TET2: variants seen among roughly 807,000 people sequenced by gnomAD.
TET2 encodes the protein methylcytosine dioxygenase TET2.
TET2 carries 299 observed loss-of-function variants against 142.9 expected under a neutral mutation model. The ratio of observed to expected loss-of-function variants is 2.09; its 90% CI spans 1.90 to 2.30. The LOEUF (loss-of-function observed/expected upper bound fraction) is 2.30. TET2 is among the 30% of genes most tolerant of loss of function. The pLI is 0.00. For synonymous variants in TET2, 819 were observed against 849.0 expected (o/e 0.96, Z 0.61); for missense variants, 2,418 against 2,378.0 (o/e 1.02, Z -0.35).
intron 1 of TET2, among the ~76,000 whole-genome samples, chr4:105,158,986 T>C (rs768768554): frequency 1.3e-5 from 2 of 152,142 alleles, no homozygotes; most frequent in Admixed American, 6.5e-5. Context: ...GTGGGTACCG[T>C]GCACGTGGCA....
At chr4:105,175,062 A>G (rs1008814530) in intron 1 of TET2, among the ~76,000 whole-genome samples, 3 of 152,180 alleles carry the variant, frequency 2.0e-5, no homozygotes, top group African/African-American at 7.2e-5. Context: ...AAAGAGGGAG[A>G]CCAAATTATA....
intron 2 of TET2, among the ~76,000 whole-genome samples, 189 bp from the exon 3 acceptor site, chr4:105,233,708 A>G (rs1302686035): frequency 1.3e-5 from 2 of 152,220 alleles, no homozygotes; most frequent in Non-Finnish European, 2.9e-5. Flanking sequence ...CTATGAAGAC[A>G]AGAATGTTTA....
chr4:105,202,916 C>A (rs1419796543), intron 2 of TET2, among the ~76,000 whole-genome samples: 1 of 152,158 alleles, frequency 6.6e-6, no homozygotes, highest in Admixed American at 6.5e-5. Flanking sequence ...GAAATATAAA[C>A]ATTTCCTGGA....
chr4:105,253,413 T>C (rs991685414), intron 6 of TET2, among the ~76,000 whole-genome samples: 1 of 152,078 alleles, frequency 6.6e-6, no homozygotes, highest in African/African-American at 2.4e-5. Context: ...AATATTTCAT[T>C]TGGGGGGGTG....
At chr4:105,245,000 C>G (rs1729517190) in intron 6 of TET2, among the ~76,000 whole-genome samples, 1 of 152,214 alleles carries the variant, frequency 6.6e-6, no homozygotes. Flanking sequence ...GAATCATTTG[C>G]TGAGCTTATA....
At chr4:105,165,330 C>T (rs903008752) in intron 1 of TET2, among the ~76,000 whole-genome samples, 1 of 152,014 alleles carries the variant, frequency 6.6e-6, no homozygotes, top group African/African-American at 2.4e-5. Context: ...GAGCTGAGAT[C>T]GTGCCATTGC....
rs1463638716 is a variant in TET2 at position 105,272,867 on chromosome 4, C to T, written c.4486C>T (p.Pro1496Ser). The change falls in exon 10 of 11, where the codon CCA (proline) becomes TCA (serine). Residue 1496 changes from proline (P) to serine (S), a missense_variant. By Grantham distance (74) the Pro-to-Ser change is moderately conservative. Coordinates refer to ENST00000380013, the MANE Select transcript of TET2 (RefSeq NM_001127208.3). ...SNKNEKEKSA[P>S]SRTKQTENAS... ...TAAAAATGAAAAGGAAAAGTCAGCC[C>T]CATCACGTACAAAACAAACTGAAAA... is the stretch of plus-strand genomic sequence containing the variant. 1.3e-6 allele frequency: 2 copies of T among 1,549,006 alleles called. No individual in the cohort carries two copies. Among genetic ancestry groups the T allele is most frequent in the East Asian group, 2.4e-5 (1 of 40,890 alleles).
chr4:105,221,301 G>T (rs1395696649), intron 2 of TET2, among the ~76,000 whole-genome samples: 1 of 152,078 alleles, frequency 6.6e-6, no homozygotes, highest in Non-Finnish European at 1.5e-5. Context: ...TAAGAAACTG[G>T]TTGGTTAACT....
intron 2 of TET2, among the ~76,000 whole-genome samples, chr4:105,211,941 A>G (rs1239896847): frequency 6.6e-6 from 1 of 152,236 alleles, no homozygotes; most frequent in African/African-American, 2.4e-5. Context: ...TGCAAAGACT[A>G]CTTACTGTAA....
rs59576487 is a variant in TET2 at position 105,276,838 on chromosome 4, T to TCCCCC, written c.*326_*330dup. ...TGGACGAGATGATATGTAAATGTGA[T>TCCCCC]CCCCCCCCCCCGCTTACAACTCTAC... On this transcript the variant is annotated 3_prime_UTR_variant, in exon 11 of 11. Transcript: ENST00000380013. 1.7e-3 allele frequency: 270 copies of TCCCCC among 155,500 alleles called. 2 individuals carry two copies. Among genetic ancestry groups the TCCCCC allele is most frequent in the Non-Finnish European group, 2.4e-3 (196 of 81,090 alleles). 9.6% of individuals were successfully genotyped at this position (155,500 alleles called of 1,614,324 possible).
chr4:105,190,884 T>C (rs1394075070), intron 2 of TET2, among the ~76,000 whole-genome samples: 5 of 152,212 alleles, frequency 3.3e-5, no homozygotes, highest in African/African-American at 1.2e-4. Context: ...TTCGTCTCAA[T>C]CTTGTTAAGG....
chr4:105,239,330 TTCTA>T (rs757326985), intron 3 of TET2: 24 of 240,216 alleles, frequency 1.0e-4, no homozygotes, highest in Non-Finnish European at 2.0e-4. Flanking sequence ...AGGCATTGAC[TTCTA>T]TCTATGAAAG....
chr4:105,201,003 C>CT (rs1209427706), intron 2 of TET2, among the ~76,000 whole-genome samples: 4 of 152,114 alleles, frequency 2.6e-5, no homozygotes, highest in African/African-American at 9.7e-5. Context: ...ATTGACTTCA[C>CT]TGGAGTGCTT....
At chr4:105,197,283 G>A (rs982350043) in intron 2 of TET2, among the ~76,000 whole-genome samples, 17 of 152,172 alleles carry the variant, frequency 1.1e-4, no homozygotes, top group African/African-American at 4.1e-4. Context: ...TTTGAGAGCT[G>A]TTGTGAATGA....
chr4:105,232,893 C>T (rs1257293678), intron 2 of TET2, among the ~76,000 whole-genome samples: 1 of 152,158 alleles, frequency 6.6e-6, no homozygotes, highest in Non-Finnish European at 1.5e-5. Flanking sequence ...ATTGATAACA[C>T]TGAAGGGAGT....
chr4:105,249,848 C>T (rs1222125265), intron 6 of TET2, among the ~76,000 whole-genome samples: 1 of 152,124 alleles, frequency 6.6e-6, no homozygotes, highest in Non-Finnish European at 1.5e-5. Context: ...TCTCCTATCC[C>T]ACAGGTTGTC....
At position 105,233,963 on chromosome 4, in the gene TET2, C is replaced by T. The variant is rs1369646936; in HGVS notation, c.21C>T (p.Asn7=). ...GCCTGATGGAACAGGATAGAACCAACCATGTTGAGGGCAACAGACTAAGTC... is the reference window on the plus strand; with the variant it reads ...GCCTGATGGAACAGGATAGAACCAATCATGTTGAGGGCAACAGACTAAGTC... MEQDRT[N]HVEGNRLSPF... The change falls in exon 3 of 11, where the codon AAC becomes AAT. Residue 7 remains asparagine (N), a synonymous_variant. Coordinates refer to ENST00000380013, the MANE Select transcript of TET2 (RefSeq NM_001127208.3). 4.2e-5 allele frequency: 67 copies of T among 1,613,762 alleles called. No individual in the cohort carries two copies. Among genetic ancestry groups the T allele is most frequent in the Non-Finnish European group, 5.4e-5 (64 of 1,179,932 alleles).
In TET2 at chr4:105,243,792, A is replaced by C. The variant is rs2110256262; in HGVS notation, c.3803+14A>C. 4 of 1,549,978 alleles carry C rather than the reference A, an allele frequency of 2.6e-6. No homozygotes were observed. Among genetic ancestry groups the C allele is most frequent in the Non-Finnish European group, 3.5e-6 (4 of 1,145,486 alleles). On this transcript the variant is annotated intron_variant, in intron 6 of 10. Transcript: ENST00000380013. ...CTTGAATGAAGAGTAAGTGAAGCCC[A>C]GGGCCTCTCCCCTCTTTGCGGCCAC...
intron 2 of TET2, among the ~76,000 whole-genome samples, chr4:105,193,226 G>T (rs1016130765): frequency 1.6e-4 from 25 of 152,104 alleles, no homozygotes; most frequent in Non-Finnish European, 5.9e-5. Context: ...GAGAGAAGTG[G>T]AGGGGAAACA....
Sources: gnomAD v4.1 joint callset for allele counts (sites outside exome capture counted in the v4.1 genomes callset) on GRCh38, gnomAD v4.1.1 for gene constraint, MANE v1.5 for transcripts, NCBI Gene and HGNC (gene_info 2026-07-23, HGNC 2026-07-21) for gene names.